MBD3L1: variants seen among roughly 807,000 people sequenced by gnomAD.
MBD3L1 encodes the protein methyl-CpG-binding domain protein 3-like 1.
For missense variants in MBD3L1, 203 were observed against 230.1 expected (o/e 0.88, Z 0.76); for synonymous variants, 84 against 85.1 (o/e 0.99, Z 0.07).
chr19:8,837,483 C>T (rs2044467092), intron 1 of MBD3L1, among the ~76,000 whole-genome samples: 1 of 152,150 alleles, frequency 6.6e-6, no homozygotes, highest in Non-Finnish European at 1.5e-5. Flanking sequence ...TGTTGTAACC[C>T]ACAAAGTCTA....
At chr19:8,839,489 C>T (rs2044489509) in intron 1 of MBD3L1, among the ~76,000 whole-genome samples, 2 of 152,010 alleles carry the variant, frequency 1.3e-5, no homozygotes, top group Non-Finnish European at 2.9e-5. Context: ...TGTGAGCCAC[C>T]GTGCCTGGCC....
chr19:8,842,280 T>C (rs561662458), intron 2 of MBD3L1, among the ~76,000 whole-genome samples: 6 of 149,886 alleles, frequency 4.0e-5, no homozygotes, highest in African/African-American at 1.5e-4. Context: ...TGAGCTGTGA[T>C]TGCACCACTG....
At chr19:8,841,560 A>G (rs1326884639) in intron 2 of MBD3L1, among the ~76,000 whole-genome samples, 3 of 151,974 alleles carry the variant, frequency 2.0e-5, no homozygotes, top group Admixed American at 6.6e-5. Flanking sequence ...TTTCCGATTT[A>G]TTTATTTATT....
chr19:8,835,134 CT>C (rs555558976), intron 1 of MBD3L1, among the ~76,000 whole-genome samples: 1 of 152,068 alleles, frequency 6.6e-6, no homozygotes, highest in South Asian at 2.1e-4. Context: ...TCACTGCATC[CT>C]CTGCCTCCTG....
chr19:8,840,387 G>A (rs1017837971), intron 1 of MBD3L1, among the ~76,000 whole-genome samples: 1 of 151,948 alleles, frequency 6.6e-6, no homozygotes. Context: ...CTGCAACCTC[G>A]ACCTCCTGGG....
intron 1 of MBD3L1, among the ~76,000 whole-genome samples, chr19:8,838,282 A>AAAAAAAAAAAAAC (rs2044476224): frequency 6.7e-6 from 1 of 148,854 alleles, no homozygotes; most frequent in Non-Finnish European, 1.5e-5. Context: ...AAAAAAAAAA[A>AAAAAAAAAAAAAC]AGATCAGCAG....
chr19:8,838,462 A>C (rs962690489), intron 1 of MBD3L1, among the ~76,000 whole-genome samples: 1 of 152,044 alleles, frequency 6.6e-6, no homozygotes, highest in Middle Eastern at 3.2e-3. Context: ...TTTGAAGGCT[A>C]TGCAACTCTG....
At chr19:8,841,190 C>A (rs1221809857) in intron 2 of MBD3L1, among the ~76,000 whole-genome samples, 191 bp downstream of exon 2, 1 of 151,134 alleles carries the variant, frequency 6.6e-6, no homozygotes, top group Non-Finnish European at 1.5e-5. Flanking sequence ...CCACACCCAG[C>A]TAATTCTTTT....
intron 1 of MBD3L1, among the ~76,000 whole-genome samples, chr19:8,835,511 T>C (rs2044446055): frequency 6.6e-6 from 1 of 152,110 alleles, no homozygotes. Context: ...TAATTAAAAT[T>C]AAAAAGATAG....
chr19:8,836,202 CAT>C (rs1250202183), intron 1 of MBD3L1, among the ~76,000 whole-genome samples: 19 of 152,140 alleles, frequency 1.2e-4, no homozygotes, highest in African/African-American at 4.6e-4. Context: ...GAATTATACA[CAT>C]AAATTCTTCA....
chr19:8,837,662 G>A (rs1056381506), intron 1 of MBD3L1, among the ~76,000 whole-genome samples: 10 of 152,236 alleles, frequency 6.6e-5, no homozygotes, highest in Non-Finnish European at 1.2e-4. Context: ...CTGGCCTCAT[G>A]GACAAGACAA....
chr19:8,840,245 A>C (rs2145354039), intron 1 of MBD3L1, among the ~76,000 whole-genome samples: 1 of 152,266 alleles, frequency 6.6e-6, no homozygotes, highest in Admixed American at 6.5e-5. Flanking sequence ...TGGAAGCATA[A>C]AATTAACAAA....
intron 1 of MBD3L1, among the ~76,000 whole-genome samples, chr19:8,836,116 C>G (rs960451708): frequency 2.6e-5 from 4 of 152,106 alleles, no homozygotes; most frequent in African/African-American, 9.6e-5. Context: ...CCATTTTACA[C>G]AAAAGTGTAA....
rs35231202 is a variant in MBD3L1, at chr19:8,842,318, CAAAAAA to C, written c.-21-329_-21-324del. Among the ~76,000 whole-genome samples, 66 of 114,188 alleles carry C rather than the reference CAAAAAA, an allele frequency of 5.8e-4. 3 individuals carry two copies. The East Asian group carries it at 0.012, about 21-fold the overall frequency. 74.9% of individuals were successfully genotyped at this position (114,188 alleles called of 152,430 possible). On this transcript the variant is annotated intron_variant, in intron 2 of 2. Coordinates refer to ENST00000595891, the MANE Select transcript of MBD3L1 (RefSeq NM_001393532.1). ...CTCCAGCCTGAGTGACGGAGTGGGA[CAAAAAA>C]AAAAAAAAAAGGCAAGATTTGAGAT...
chr19:8,842,098 G>A (rs193214793), intron 2 of MBD3L1, among the ~76,000 whole-genome samples: 3 of 152,058 alleles, frequency 2.0e-5, no homozygotes, highest in South Asian at 2.1e-4. Context: ...GAGGTCGAGG[G>A]GGGGTGGATC....
chr19:8,834,453 C>T (rs530005592), intron 1 of MBD3L1, among the ~76,000 whole-genome samples: 2 of 151,290 alleles, frequency 1.3e-5, no homozygotes, highest in East Asian at 1.9e-4. Flanking sequence ...ACTAAAAATA[C>T]CAAAATTAGC....
chr19:8,832,864 G>T (rs1437253328), intron 1 of MBD3L1, among the ~76,000 whole-genome samples: 1 of 152,130 alleles, frequency 6.6e-6, no homozygotes, highest in African/African-American at 2.4e-5. Flanking sequence ...GCTGTGGGCG[G>T]AGATAAGCTC....
Position 8,843,259 on chromosome 19 carries a change from G to C in MBD3L1, c.581G>C (p.Arg194Pro), listed in dbSNP as rs764966956. The change falls in exon 3 of 3, where the codon CGC (arginine) becomes CCC (proline). Residue 194 changes from arginine (R) to proline (P), a missense_variant. Transcript: ENST00000595891. ...VRDQEGRPEK[R>P] ...GACCAAGAAGGCCGTCCTGAAAAAC[G>C]CTAAGAAAAAAAGGGAAGATAGTGC... The C allele has an allele frequency of 6.4e-7, 1 of 1,560,546 alleles. No individual in the cohort carries two copies. The highest frequency in any genetic ancestry group is 1.2e-5 in the South Asian group (1 of 81,864).
rs542318207 is a variant in MBD3L1, at chr19:8,838,252, C to CAAAAAAAAAAAAAAAAAAA, written c.-106-2650_-106-2632dup. On this transcript the variant is annotated intron_variant, in intron 1 of 2. Transcript: ENST00000595891. ...TGGACGACAGAGCAAGACTCCATCT[C>CAAAAAAAAAAAAAAAAAAA]AAAAAAAAAAAAAAAAAAAAAAAAA... 4.6e-3 allele frequency among the ~76,000 whole-genome samples: 54 copies of CAAAAAAAAAAAAAAAAAAA among 11,832 alleles called. 22 individuals are homozygous for CAAAAAAAAAAAAAAAAAAA. The highest frequency in any genetic ancestry group is 7.6e-3 in the Non-Finnish European group (44 of 5,804). The allele number at this position is 11,832 out of a possible 152,430, so 7.8% of individuals were successfully genotyped here.
Sources: gnomAD v4.1 joint callset for allele counts (sites outside exome capture counted in the v4.1 genomes callset) on GRCh38, gnomAD v4.1.1 for gene constraint, MANE v1.5 for transcripts, NCBI Gene and HGNC (gene_info 2026-07-23, HGNC 2026-07-21) for gene names.